Variants in MRPL1 observed in about 807,000 individuals in gnomAD.
MRPL1 encodes large ribosomal subunit protein uL1m.
A neutral mutation model predicts 38.0 loss-of-function variants in MRPL1; 28 were observed. The observed-to-expected ratio is 0.74, with a 90% confidence interval of 0.55 to 1.01. The LOEUF (loss-of-function observed/expected upper bound fraction) is 1.01, where lower values mean the gene tolerates loss of function less well. Among genes scored for constraint, MRPL1 ranks in the 50% least tolerant of loss-of-function variants. The probability of loss-of-function intolerance (pLI) is 0.00; values close to 1 mark genes in which losing one functional copy is unlikely to be tolerated. For synonymous variants in MRPL1, 123 were observed against 126.7 expected, an observed-to-expected ratio of 0.97 and a Z score of 0.20; for missense variants, 358 against 389.8, an observed-to-expected ratio of 0.92 and a Z score of 0.69.
At chr4:77,919,253 T>C (rs1006498978) in intron 7 of MRPL1, among the ~76,000 whole-genome samples, 13 of 152,160 alleles carry the variant, frequency 8.5e-5, no homozygotes, top group African/African-American at 3.1e-4. Flanking sequence ...TTTTTTTCAC[T>C]GTTAGATTTC....
chr4:77,940,667 T>C (rs1482072544), intron 7 of MRPL1, among the ~76,000 whole-genome samples: 1 of 152,188 alleles, frequency 6.6e-6, no homozygotes, highest in Non-Finnish European at 1.5e-5. Flanking sequence ...TTCAGTATTT[T>C]GTTGGCTGTG....
At chr4:77,880,545 G>A (rs1735515808) in intron 2 of MRPL1, among the ~76,000 whole-genome samples, 1 of 150,434 alleles carries the variant, frequency 6.6e-6, no homozygotes, top group South Asian at 2.1e-4. Flanking sequence ...CAAGATTTGG[G>A]AATTAGGATA....
intron 7 of MRPL1, among the ~76,000 whole-genome samples, chr4:77,946,454 A>G (rs900297931): frequency 1.3e-5 from 2 of 152,326 alleles, no homozygotes; most frequent in Non-Finnish European, 2.9e-5. Flanking sequence ...CAGCTTATGA[A>G]GATAACAGGA....
intron 1 of MRPL1, among the ~76,000 whole-genome samples, chr4:77,863,197 G>A (rs1735043834): frequency 6.6e-6 from 1 of 152,120 alleles, no homozygotes; most frequent in Non-Finnish European, 1.5e-5. Context: ...AGTGTGATAA[G>A]TGAGGTGAGT....
At position 77,896,149 on chromosome 4, in the gene MRPL1, CTTT is replaced by C. The variant is rs527571244; in HGVS notation, c.670+1912_670+1914del. ...TTCTCTCTGTAACCCTTTTAGCTTC[CTTT>C]TTTTTTTTTTTTAGCCTTGAGGGTT... is the stretch of plus-strand genomic sequence containing the variant. On this transcript the variant is annotated intron_variant, in intron 6 of 8. Transcript: ENST00000315567. Among the ~76,000 whole-genome samples the C allele has an allele frequency of 1.4e-3, 180 of 127,424 alleles. 1 individual carries two copies. The highest frequency in any genetic ancestry group is 5.0e-3 in the African/African-American group (175 of 34,862). The allele number at this position is 127,424 out of a possible 152,430, so 83.6% of individuals were successfully genotyped here. A position where few individuals can be genotyped will look rare whatever the true frequency, so the allele number is the denominator to read the frequency against.
chr4:77,916,625 A>G (rs984953688), intron 7 of MRPL1, among the ~76,000 whole-genome samples: 3 of 152,136 alleles, frequency 2.0e-5, no homozygotes, highest in Admixed American at 6.5e-5. Context: ...GATGTCTTCA[A>G]ATATATAGTA....
chr4:77,894,312 T>A, intron 6 of MRPL1, 62 bp downstream of exon 6: 1 of 1,070,534 alleles, frequency 9.3e-7, no homozygotes, highest in Non-Finnish European at 1.4e-6. Flanking sequence ...TTTGCTTAGT[T>A]AGGAAACAAA....
In MRPL1 at chr4:77,916,795, A is replaced by C. The variant is rs143497975; in HGVS notation, c.777+7423A>C. Among the ~76,000 whole-genome samples, 650 of 152,340 alleles carry C rather than the reference A, an allele frequency of 4.3e-3. 3 individuals carry two copies. Among genetic ancestry groups the C allele is most frequent in the Non-Finnish European group, 7.6e-3 (514 of 68,010 alleles). The stretch of plus-strand genomic sequence containing the variant: ...ATGATACTTAATGAAAATTTCACAA[A>C]GAAATATTGCCAAAATTCTCTAAGT... On this transcript the variant is annotated intron_variant, in intron 7 of 8. Transcript: ENST00000315567.
chr4:77,940,307 A>T (rs1344729566), intron 7 of MRPL1, among the ~76,000 whole-genome samples: 1 of 152,036 alleles, frequency 6.6e-6, no homozygotes, highest in African/African-American at 2.4e-5. Flanking sequence ...TTTTGGAGCT[A>T]TTGTAAAGAG....
chr4:77,892,424 G>A lies in MRPL1; in HGVS notation c.559-1715G>A, dbSNP rs147181669. 3.9e-5 allele frequency among the ~76,000 whole-genome samples: 6 copies of A among 152,072 alleles called. No individual in the cohort carries two copies. The East Asian group carries it at 5.8e-4, about 15-fold the overall frequency. ...GCTGAGATTACAGGTGTGAGCCACC[G>A]CACCACGTAGTAATTTCTTAGATAA... On this transcript the variant is annotated intron_variant, in intron 5 of 8. Coordinates refer to ENST00000315567, the MANE Select transcript of MRPL1 (RefSeq NM_020236.4).
At chr4:77,933,265 G>A (rs1018690740) in intron 7 of MRPL1, among the ~76,000 whole-genome samples, 1 of 152,172 alleles carries the variant, frequency 6.6e-6, no homozygotes, top group Non-Finnish European at 1.5e-5. Flanking sequence ...TTTATGTTTA[G>A]AGGAGCTGTA....
intron 7 of MRPL1, among the ~76,000 whole-genome samples, chr4:77,926,605 TTTTTTAC>T (rs1365400314): frequency 7.3e-5 from 8 of 110,052 alleles, no homozygotes; most frequent in African/African-American, 3.3e-4. Context: ...AGTTTTTTTC[TTTTTTAC>T]TTTTTTTTTT....
intron 1 of MRPL1, among the ~76,000 whole-genome samples, chr4:77,863,307 G>C (rs1735046640): frequency 6.6e-6 from 1 of 152,092 alleles, no homozygotes; most frequent in Non-Finnish European, 1.5e-5. Flanking sequence ...TTCGTTATAG[G>C]CGATTCCAGT....
intron 7 of MRPL1, among the ~76,000 whole-genome samples, chr4:77,932,045 A>G (rs1578059749): frequency 6.6e-6 from 1 of 152,176 alleles, no homozygotes. Flanking sequence ...TTTTAGAAAA[A>G]CAGTTACCAT....
chr4:77,913,826 A>G (rs539409221), intron 7 of MRPL1, among the ~76,000 whole-genome samples: 65 of 152,376 alleles, frequency 4.3e-4, no homozygotes, highest in African/African-American at 1.3e-3. Context: ...ATGGATTTCA[A>G]AATAATTTTG....
chr4:77,929,011 G>A (rs1359588967), intron 7 of MRPL1, among the ~76,000 whole-genome samples: 1 of 152,182 alleles, frequency 6.6e-6, no homozygotes, highest in African/African-American at 2.4e-5. Context: ...ATAGATAATA[G>A]AATGACACAT....
At chr4:77,934,781 A>T (rs1347149078) in intron 7 of MRPL1, among the ~76,000 whole-genome samples, 1 of 152,216 alleles carries the variant, frequency 6.6e-6, no homozygotes, top group Non-Finnish European at 1.5e-5. Context: ...CAAGCAGCCC[A>T]TATGACAATT....
At chr4:77,863,195 A>G (rs917796152) in intron 1 of MRPL1, among the ~76,000 whole-genome samples, 1 of 152,000 alleles carries the variant, frequency 6.6e-6, no homozygotes, top group Non-Finnish European at 1.5e-5. Context: ...GGAGTGTGAT[A>G]AGTGAGGTGA....
chr4:77,899,529 A>T (rs973360235), intron 6 of MRPL1, among the ~76,000 whole-genome samples: 1 of 152,056 alleles, frequency 6.6e-6, no homozygotes. Context: ...TTGCTCTCTC[A>T]GTTATCACAG....
Sources: gnomAD v4.1 joint callset for allele counts (sites outside exome capture counted in the v4.1 genomes callset) on GRCh38, gnomAD v4.1.1 for gene constraint, MANE v1.5 for transcripts, NCBI Gene and HGNC (gene_info 2026-07-23, HGNC 2026-07-21) for gene names.